The following PTPRO variants were observed in gnomAD, a reference collection of about 807,000 sequenced individuals.
PTPRO encodes receptor-type tyrosine-protein phosphatase O.
A neutral mutation model predicts 145.2 loss-of-function variants in PTPRO; 62 were observed. The observed-to-expected ratio is 0.43, with a 90% CI of 0.35 to 0.53. The LOEUF (loss-of-function observed/expected upper bound fraction) is 0.53. Ranked by LOEUF, PTPRO falls within the 20% of genes least tolerant of loss-of-function variation. The pLI is 0.01. For synonymous variants in PTPRO, 565 were observed against 514.7 expected (o/e 1.10, Z -1.32); for missense variants, 1,345 against 1,482.7 (o/e 0.91, Z 1.53).
At chr12:15,428,745 G>A (rs11056476) in intron 1 of PTPRO, among the ~76,000 whole-genome samples, 1 of 152,066 alleles carries the variant, frequency 6.6e-6, no homozygotes, top group African/African-American at 2.4e-5. Context: ...CTTGGTGTCA[G>A]GAACTTGAGT....
intron 1 of PTPRO, among the ~76,000 whole-genome samples, chr12:15,456,142 C>A (rs939362559): frequency 6.6e-6 from 1 of 152,068 alleles, no homozygotes; most frequent in Non-Finnish European, 1.5e-5. Context: ...GAGTTAGTTT[C>A]CTTCTATTCC....
At chr12:15,377,363 G>A (rs1412497041) in intron 1 of PTPRO, among the ~76,000 whole-genome samples, 1 of 151,876 alleles carries the variant, frequency 6.6e-6, no homozygotes, top group East Asian at 1.9e-4. Flanking sequence ...TAATAAAAAG[G>A]CAAATGATGT....
chr12:15,590,788 T>C (rs572891537), intron 25 of PTPRO, among the ~76,000 whole-genome samples: 2 of 152,328 alleles, frequency 1.3e-5, no homozygotes, highest in African/African-American at 2.4e-5. Context: ...GTTTCAATCA[T>C]GCTGCCTAGT....
chr12:15,454,066 T>C (rs1231923945), intron 1 of PTPRO, among the ~76,000 whole-genome samples: 1 of 152,208 alleles, frequency 6.6e-6, no homozygotes, highest in African/African-American at 2.4e-5. Context: ...TTCAAGATCC[T>C]GATTTCAATA....
At chr12:15,503,130 C>CATTT (rs1942254278) in intron 5 of PTPRO, among the ~76,000 whole-genome samples, 1 of 151,966 alleles carries the variant, frequency 6.6e-6, no homozygotes, top group African/African-American at 2.4e-5. Context: ...CTTAATCTAT[C>CATTT]ATTTATTTTT....
At chr12:15,482,144 G>GGTGT (rs57202820) in intron 1 of PTPRO, among the ~76,000 whole-genome samples, 166 of 148,306 alleles carry the variant, frequency 1.1e-3, no homozygotes, top group African/African-American at 3.3e-3. Context: ...AAGAAAATAT[G>GGTGT]GTGTGTGTGT....
intron 1 of PTPRO, among the ~76,000 whole-genome samples, chr12:15,393,575 A>T (rs1939250413): frequency 6.6e-6 from 1 of 151,952 alleles, no homozygotes; most frequent in Non-Finnish European, 1.5e-5. Flanking sequence ...TATTTTTCAA[A>T]TGTTCCATAA....
At chr12:15,509,514 T>C (rs1202356683) in intron 7 of PTPRO, among the ~76,000 whole-genome samples, 1 of 151,232 alleles carries the variant, frequency 6.6e-6, no homozygotes, top group Non-Finnish European at 1.5e-5. Flanking sequence ...CTGGCCAACA[T>C]GGTGAAAACT....
At chr12:15,554,924 G>T (rs934613720) in intron 15 of PTPRO, among the ~76,000 whole-genome samples, 2 of 152,172 alleles carry the variant, frequency 1.3e-5, no homozygotes, top group Admixed American at 1.3e-4. Context: ...GTTTGAAAGA[G>T]AATTTTTGGT....
At chr12:15,345,013 T>G (rs78198511) in intron 1 of PTPRO, among the ~76,000 whole-genome samples, 5 of 152,364 alleles carry the variant, frequency 3.3e-5, no homozygotes, top group Non-Finnish European at 5.9e-5. Flanking sequence ...CCTATCTTTC[T>G]ACAATCTCTT....
At chr12:15,446,666 C>G (rs915140459) in intron 1 of PTPRO, among the ~76,000 whole-genome samples, 1 of 151,502 alleles carries the variant, frequency 6.6e-6, no homozygotes, top group South Asian at 2.1e-4. Context: ...AAGCAAGTTA[C>G]TTGGGATGTC....
intron 1 of PTPRO, among the ~76,000 whole-genome samples, chr12:15,462,979 T>C (rs1941339240): frequency 1.3e-5 from 2 of 152,154 alleles, no homozygotes; most frequent in Non-Finnish European, 2.9e-5. Context: ...ATCATATTGT[T>C]ATATACTATA....
chr12:15,419,670 A>G (rs10772848), intron 1 of PTPRO, among the ~76,000 whole-genome samples: 110,292 of 151,022 alleles, frequency 0.73, 40,676 homozygotes, highest in East Asian at 0.78. Context: ...CGAGAGCATA[A>G]CATTTCAGTA....
At chr12:15,420,229 A>G (rs1940106526) in intron 1 of PTPRO, among the ~76,000 whole-genome samples, 1 of 151,374 alleles carries the variant, frequency 6.6e-6, no homozygotes, top group Non-Finnish European at 1.5e-5. Flanking sequence ...TTAAAATTTA[A>G]GTCTGCTACT....
At chr12:15,528,388 G>T (rs1942888089) in intron 12 of PTPRO, among the ~76,000 whole-genome samples, 1 of 151,412 alleles carries the variant, frequency 6.6e-6, no homozygotes. Context: ...TAGCCAGCAT[G>T]GTGGCGGGTG....
At chr12:15,476,101 T>C (rs1941647365) in intron 1 of PTPRO, among the ~76,000 whole-genome samples, 1 of 152,136 alleles carries the variant, frequency 6.6e-6, no homozygotes, top group South Asian at 2.1e-4. Flanking sequence ...TTAAGAAGTA[T>C]TGCTGGAGAC....
At chr12:15,546,261 A>C in intron 12 of PTPRO, 1 of 1,026,334 alleles carries the variant, frequency 9.7e-7, no homozygotes. Flanking sequence ...TATCAGGGCA[A>C]TGCTAACTTC....
chr12:15,400,023 C>A (rs1939445635), intron 1 of PTPRO, among the ~76,000 whole-genome samples: 1 of 144,750 alleles, frequency 6.9e-6, no homozygotes, highest in Non-Finnish European at 1.5e-5. Context: ...TGCACTCCAG[C>A]CTGGGTGACA....
intron 1 of PTPRO, among the ~76,000 whole-genome samples, chr12:15,381,228 A>C (rs553483762): frequency 7.2e-5 from 11 of 152,294 alleles, no homozygotes; most frequent in African/African-American, 9.6e-5. Flanking sequence ...CGCAAAGTTT[A>C]TTCTTCAGTT....
Sources: allele counts gnomAD v4.1 joint callset (sites outside exome capture counted in the v4.1 genomes callset), GRCh38; gene constraint gnomAD v4.1.1; transcripts MANE v1.5; gene names NCBI Gene and HGNC (gene_info 2026-07-23, HGNC 2026-07-21).